The following DNAAF6 variants were observed in gnomAD, a reference collection of about 807,000 sequenced individuals.
The protein encoded by DNAAF6 is dynein axonemal assembly factor 6.
DNAAF6 carries 3 observed loss-of-function variants against 13.7 expected under a neutral mutation model. That is an observed-to-expected ratio of 0.22 (90% CI 0.10 to 0.56). The LOEUF (loss-of-function observed/expected upper bound fraction) is 0.56. DNAAF6 is among the 20% of genes least tolerant of loss of function. DNAAF6 has a pLI of 0.92. For missense variants in DNAAF6, 130 were observed against 151.0 expected (o/e 0.86, Z 0.73); for synonymous variants, 54 against 49.2 (o/e 1.10, Z -0.41).
chrX:107,213,247 A>G (rs1441828202), intron 2 of DNAAF6, among the ~76,000 whole-genome samples: 3 of 112,207 alleles, frequency 2.7e-5, no homozygotes, highest in African/African-American at 9.7e-5. Flanking sequence ...GAATAGGAAA[A>G]TAGTTCTGTA....
In DNAAF6 at chrX:107,216,683, T is replaced by G; in HGVS notation, c.166T>G (p.Ser56Ala). The G allele has an allele frequency of 8.3e-7, 1 of 1,197,845 alleles. No homozygotes were observed. Among genetic ancestry groups the G allele is most frequent in the Non-Finnish European group, 1.1e-6 (1 of 886,500 alleles). The change falls in exon 3 of 7, where the codon TCT becomes GCT. Residue 56 changes from serine to alanine, a missense_variant. Transcript: ENST00000372453. ...TCTCCTCCCTCAGACAAATGGTTTA[T>G]CTACTATTGGAGCCATGGGTCCTGG... The part of the protein sequence containing the change: ...DSDYGQTNGL[S>A]TIGAMGPGNI...
At chrX:107,210,903 C>T (rs910934595) in intron 1 of DNAAF6, among the ~76,000 whole-genome samples, 7 of 111,481 alleles carry the variant, frequency 6.3e-5, no homozygotes, top group African/African-American at 2.0e-4. Flanking sequence ...TACGTTGGGA[C>T]TATATCCTGA....
At chrX:107,222,963 T>C in intron 5 of DNAAF6, 122 bp downstream of exon 5, 1 of 907,107 alleles carries the variant, frequency 1.1e-6, no homozygotes, top group Non-Finnish European at 1.5e-6. Flanking sequence ...TTGCTATGTT[T>C]CACGTACTAG....
At chrX:107,214,683 A>G (rs1294350400) in intron 2 of DNAAF6, among the ~76,000 whole-genome samples, 1 of 112,173 alleles carries the variant, frequency 8.9e-6, no homozygotes, top group Non-Finnish European at 1.9e-5. Context: ...ATTAGAGGAC[A>G]TACAGTATCA....
intron 4 of DNAAF6, among the ~76,000 whole-genome samples, chrX:107,221,470 G>T (rs1928139029): frequency 9.0e-6 from 1 of 111,077 alleles, no homozygotes; most frequent in Admixed American, 9.6e-5. Context: ...CTGGACTCAA[G>T]CAATCTTCCT....
At chrX:107,216,630 A>G in intron 2 of DNAAF6, 41 bp from the exon 3 acceptor site, 1 of 973,712 alleles carries the variant, frequency 1.0e-6, no homozygotes, top group Non-Finnish European at 1.4e-6. Flanking sequence ...AGGTTATACA[A>G]GTATTAATTA....
In DNAAF6 at chrX:107,222,781, A is replaced by G; in HGVS notation, c.369A>G (p.Glu123=). 1 of 1,207,314 alleles carries G rather than the reference A, an allele frequency of 8.3e-7. No individual in the cohort carries two copies. Among genetic ancestry groups the G allele is most frequent in the Non-Finnish European group, 1.1e-6 (1 of 893,551 alleles). Residue 123 remains glutamate (E), a synonymous_variant, in exon 5 of 7, where the codon GAA becomes GAG. Transcript: ENST00000372453. ...EIIFRQQVGT[E]DIFLGLSKKD... is the part of the protein sequence containing the mutation. ...TATTCAGACAGCAGGTGGGAACTGA[A>G]GATATATTTTTAGGGTTGTCAAAAA...
chrX:107,239,441 A>G (rs1314715491), intron 6 of DNAAF6, among the ~76,000 whole-genome samples: 1 of 112,008 alleles, frequency 8.9e-6, no homozygotes, highest in Admixed American at 9.5e-5. Flanking sequence ...AGATCTTGCC[A>G]TCAATTACTA....
intron 5 of DNAAF6, among the ~76,000 whole-genome samples, chrX:107,225,913 T>C (rs899047483): frequency 1.8e-5 from 2 of 112,200 alleles, no homozygotes; most frequent in African/African-American, 6.5e-5. Context: ...ATTTAGGTAT[T>C]TTAGAGCTAG....
intron 5 of DNAAF6, among the ~76,000 whole-genome samples, chrX:107,230,640 G>A (rs988600321): frequency 1.8e-5 from 2 of 111,986 alleles, no homozygotes; most frequent in Non-Finnish European, 3.8e-5. Flanking sequence ...CAGAGATCAC[G>A]CCATTACACT....
chrX:107,211,353 T>C (rs1156897907), intron 1 of DNAAF6, among the ~76,000 whole-genome samples: 2 of 112,341 alleles, frequency 1.8e-5, no homozygotes, highest in Non-Finnish European at 3.8e-5. Context: ...GTTGTCATGA[T>C]TTATTAATTT....
chrX:107,236,320 C>T (rs1269105761), intron 5 of DNAAF6, among the ~76,000 whole-genome samples: 1 of 112,049 alleles, frequency 8.9e-6, no homozygotes, highest in Non-Finnish European at 1.9e-5. Context: ...AAGAAAGGAA[C>T]ATCAATCCCT....
chrX:107,211,808 C>T (rs1050890782), intron 1 of DNAAF6, among the ~76,000 whole-genome samples: 12 of 110,779 alleles, frequency 1.1e-4, no homozygotes, highest in African/African-American at 3.9e-4. Flanking sequence ...AATCACTTGG[C>T]GACAAATCTG....
At chrX:107,214,370 T>C (rs189403507) in intron 2 of DNAAF6, among the ~76,000 whole-genome samples, 1 of 111,565 alleles carries the variant, frequency 9.0e-6, no homozygotes, top group Admixed American at 9.5e-5. Flanking sequence ...GTATATCAAG[T>C]ATTTGAGAAA....
chrX:107,213,525 C>T (rs1051855634), intron 2 of DNAAF6, among the ~76,000 whole-genome samples: 2 of 111,688 alleles, frequency 1.8e-5, no homozygotes, highest in African/African-American at 6.5e-5. Context: ...AATTGGCTTC[C>T]CAGTAATGCA....
chrX:107,219,358 C>A (rs903490417), intron 4 of DNAAF6, among the ~76,000 whole-genome samples: 25 of 111,389 alleles, frequency 2.2e-4, no homozygotes, highest in African/African-American at 8.2e-4. Context: ...ACTCAATGTT[C>A]CACAATTTCG....
rs1422393459 is a variant in DNAAF6 at position 107,230,631 on chromosome X, AGAGATCACGCC to A, written c.429+7791_429+7801del. 5.4e-5 allele frequency among the ~76,000 whole-genome samples: 6 copies of A among 112,142 alleles called. 1 individual carries two copies. The highest frequency in any genetic ancestry group is 1.9e-4 in the African/African-American group (6 of 30,873). On this transcript the variant is annotated intron_variant, in intron 5 of 6. Transcript: ENST00000372453. ...CTGGGAGGCAGCAGTTGCAGTGAGC[AGAGATCACGCC>A]ATTACACTCCAGCCTGGGCGACTCC...
chrX:107,241,266 GA>G (rs1162508823), intron 6 of DNAAF6, among the ~76,000 whole-genome samples: 2 of 111,658 alleles, frequency 1.8e-5, no homozygotes, highest in Non-Finnish European at 3.8e-5. Flanking sequence ...TCACTGTAGA[GA>G]TTTTTTTTGT....
chrX:107,239,053 G>T, intron 6 of DNAAF6, 46 bp downstream of exon 6: 2 of 1,130,711 alleles, frequency 1.8e-6, no homozygotes, highest in Non-Finnish European at 2.3e-6. Flanking sequence ...ATATTAAAGA[G>T]TCTTCAGTCA....
Sources: gnomAD v4.1 joint callset for allele counts (sites outside exome capture counted in the v4.1 genomes callset) on GRCh38, gnomAD v4.1.1 for gene constraint, MANE v1.5 for transcripts, NCBI Gene and HGNC (gene_info 2026-07-23, HGNC 2026-07-21) for gene names.